GDPD5: variants seen among roughly 807,000 people sequenced by gnomAD.
GDPD5 encodes the protein glycerophosphodiester phosphodiesterase 2.
A neutral mutation model predicts 75.1 loss-of-function variants in GDPD5; 48 were observed. The ratio of observed to expected loss-of-function variants is 0.64; its 90% confidence interval spans 0.51 to 0.81. GDPD5 has a LOEUF of 0.81. Among genes scored for constraint, GDPD5 ranks in the 40% least tolerant of loss-of-function variants. The probability of loss-of-function intolerance (pLI) is 0.00; values close to 1 mark genes in which losing one functional copy is unlikely to be tolerated. For synonymous variants in GDPD5, 336 were observed against 339.0 expected (o/e 0.99, Z 0.10); for missense variants, 706 against 822.6 (o/e 0.86, Z 1.73).
chr11:75,510,934 C>T (rs145997629), intron 1 of GDPD5, among the ~76,000 whole-genome samples: 4 of 152,336 alleles, frequency 2.6e-5, no homozygotes, highest in African/African-American at 4.8e-5. Flanking sequence ...AGCAACGACC[C>T]AGAGCAATTA....
intron 1 of GDPD5, chr11:75,492,417 G>C (rs1263646430): frequency 6.6e-6 from 1 of 152,254 alleles, no homozygotes; most frequent in Admixed American, 6.5e-5. Context: ...ACAGGAAGTG[G>C]CTCTTCAAGC....
At chr11:75,491,382 A>C (rs1405920099) in intron 1 of GDPD5, among the ~76,000 whole-genome samples, 1 of 152,216 alleles carries the variant, frequency 6.6e-6, no homozygotes, top group Non-Finnish European at 1.5e-5. Context: ...TAAATAGACC[A>C]GTGGCTTCTC....
Position 75,464,133 on chromosome 11 carries a change from G to A in GDPD5, c.118-1244C>T, listed in dbSNP as rs562755222. ...ACATGCAGGATTGGGCAGGAAGGAGGGAAAGTCTTCTCACTGTCCAGAATC... is the reference window on the plus strand; with the variant it reads ...ACATGCAGGATTGGGCAGGAAGGAGAGAAAGTCTTCTCACTGTCCAGAATC... On this transcript the variant is annotated intron_variant, in intron 3 of 16. Coordinates refer to ENST00000336898, the MANE Select transcript of GDPD5 (RefSeq NM_030792.8). 4.6e-5 allele frequency among the ~76,000 whole-genome samples: 7 copies of A among 152,262 alleles called. No individual in the cohort carries two copies. In the South Asian group the frequency reaches 1.0e-3, roughly 23 times the overall value.
intron 1 of GDPD5, 33 bp from the exon 2 acceptor site, chr11:75,490,353 C>A (rs1950086431): frequency 6.6e-6 from 1 of 152,270 alleles, no homozygotes; most frequent in Non-Finnish European, 1.5e-5. Flanking sequence ...CCAGTGAGTT[C>A]ATTCATCAGT....
intron 1 of GDPD5, among the ~76,000 whole-genome samples, chr11:75,519,119 T>C (rs1173691785): frequency 6.6e-6 from 1 of 152,114 alleles, no homozygotes; most frequent in Non-Finnish European, 1.5e-5. Flanking sequence ...AAGCAGAATG[T>C]CACAGATGGA....
intron 4 of GDPD5, among the ~76,000 whole-genome samples, chr11:75,458,835 T>C (rs1592088332): frequency 6.6e-6 from 1 of 152,134 alleles, no homozygotes; most frequent in African/African-American, 2.4e-5. Context: ...GAGGCTGGAG[T>C]GCAGGGATGC....
At chr11:75,517,888 G>T (rs1950677433) in intron 1 of GDPD5, among the ~76,000 whole-genome samples, 1 of 152,176 alleles carries the variant, frequency 6.6e-6, no homozygotes, top group African/African-American at 2.4e-5. Flanking sequence ...TGGGTGTCCG[G>T]GTTGGAAAAA....
At chr11:75,483,100 A>G (rs374078546) in intron 2 of GDPD5, among the ~76,000 whole-genome samples, 37 of 152,032 alleles carry the variant, frequency 2.4e-4, no homozygotes, top group African/African-American at 7.5e-4. Flanking sequence ...GGATAATGGC[A>G]TTACTTAGGT....
intron 6 of GDPD5, chr11:75,455,246 G>A (rs1229562931): frequency 2.2e-6 from 1 of 453,702 alleles, no homozygotes; most frequent in South Asian, 1.6e-5. Context: ...ACCACAGCAT[G>A]TGCCAGCCCC....
intron 1 of GDPD5, among the ~76,000 whole-genome samples, chr11:75,510,076 G>A (rs1950483957): frequency 6.6e-6 from 1 of 152,250 alleles, no homozygotes; most frequent in African/African-American, 2.4e-5. Flanking sequence ...GGACACCAAG[G>A]AATGTCCTTC....
rs548138621 is a variant in GDPD5, at chr11:75,463,478, G to A, written c.118-589C>T. ...GGCGGGGGACACTGACACCACCACTGCTGTTTCCTGAGGGGCCAGCTCAGG... is the reference window on the plus strand; with the variant it reads ...GGCGGGGGACACTGACACCACCACTACTGTTTCCTGAGGGGCCAGCTCAGG... On this transcript the variant is annotated intron_variant, in intron 3 of 16. Transcript: ENST00000336898. Among the ~76,000 whole-genome samples, 476 of 152,256 alleles carry A rather than the reference G, an allele frequency of 3.1e-3. 1 individual carries two copies. Among genetic ancestry groups the A allele is most frequent in the Non-Finnish European group, 5.4e-3 (364 of 67,996 alleles).
Position 75,449,792 on chromosome 11 carries a change from G to T in GDPD5, c.474+93C>A. On this transcript the variant is annotated intron_variant, in intron 7 of 16. Coordinates refer to ENST00000336898, the MANE Select transcript of GDPD5 (RefSeq NM_030792.8). ...TCTGACCTGCTCTGTGACCCTGGGC[G>T]CCTCCCTGCCCTTCTTTGGGCCTTG... is the stretch of plus-strand genomic sequence containing the variant. The T allele has an allele frequency of 1.5e-6, 2 of 1,368,722 alleles. 1 individual carries two copies. The highest frequency in any genetic ancestry group is 2.4e-5 in the South Asian group (2 of 82,876). The allele number at this position is 1,368,722 out of a possible 1,614,324, so 84.8% of individuals were successfully genotyped here.
rs180687936 is a variant in GDPD5, at chr11:75,522,090, C to T, written c.-145+3120G>A. On this transcript the variant is annotated intron_variant, in intron 1 of 16. Coordinates refer to ENST00000336898, the MANE Select transcript of GDPD5 (RefSeq NM_030792.8). ...TCCTCCTCGCCCCAAGTTCTCCCTA[C>T]CTCTCGGCTTACCACGCTATCCCAC... 2.0e-5 allele frequency among the ~76,000 whole-genome samples: 3 copies of T among 152,280 alleles called. No homozygotes were observed. The East Asian group carries it at 5.8e-4, about 29-fold the overall frequency.
intron 1 of GDPD5, among the ~76,000 whole-genome samples, chr11:75,514,970 G>A (rs182187891): frequency 9.2e-5 from 14 of 152,342 alleles, no homozygotes; most frequent in African/African-American, 3.4e-4. Context: ...GAGGCTCAGA[G>A]AGGCTAAGTG....
At chr11:75,502,518 C>T (rs928078541) in intron 1 of GDPD5, among the ~76,000 whole-genome samples, 5 of 152,238 alleles carry the variant, frequency 3.3e-5, no homozygotes, top group African/African-American at 1.2e-4. Flanking sequence ...CTAACTCTCA[C>T]AACTGTAGCA....
chr11:75,450,182 G>GGCAGGAGGAGGCA (rs1443733324), intron 6 of GDPD5, among the ~76,000 whole-genome samples, 199 bp from the exon 7 acceptor site: 2 of 152,168 alleles, frequency 1.3e-5, no homozygotes, highest in African/African-American at 4.8e-5. Context: ...GAGAGACTGA[G>GGCAGGAGGAGGCA]GCAGGAGGAG....
intron 1 of GDPD5, among the ~76,000 whole-genome samples, 174 bp downstream of exon 1, chr11:75,525,036 C>A (rs1308876014): frequency 6.6e-6 from 1 of 152,120 alleles, no homozygotes; most frequent in African/African-American, 2.4e-5. Context: ...GGCGCGAACC[C>A]GCACACAATG....
intron 2 of GDPD5, chr11:75,485,395 A>G (rs1950001397): frequency 6.6e-6 from 1 of 152,232 alleles, no homozygotes; most frequent in African/African-American, 2.4e-5. Flanking sequence ...TAAGATGTAA[A>G]GAATAAGCCA....
intron 9 of GDPD5, chr11:75,448,510 C>T (rs1949045664): frequency 1.0e-6 from 1 of 986,768 alleles, no homozygotes; most frequent in South Asian, 4.7e-5. Context: ...TCCTGCAGGG[C>T]TATGGAGTGC....
Sources: allele counts gnomAD v4.1 joint callset (sites outside exome capture counted in the v4.1 genomes callset), GRCh38; gene constraint gnomAD v4.1.1; transcripts MANE v1.5; gene names NCBI Gene and HGNC (gene_info 2026-07-23, HGNC 2026-07-21).